The following CTNNA2 variants were observed in gnomAD, a reference collection of about 807,000 sequenced individuals.
CTNNA2 encodes catenin alpha-2.
Under a neutral mutation model 101.0 loss-of-function variants are expected in CTNNA2, and 42 were observed. That is an observed-to-expected ratio of 0.42 (90% CI 0.32 to 0.54). CTNNA2 has a LOEUF of 0.54. Among genes scored for constraint, CTNNA2 ranks in the 20% least tolerant of loss-of-function variants. The probability of loss-of-function intolerance (pLI) is 0.14; values close to 1 mark genes in which losing one functional copy is unlikely to be tolerated. For synonymous variants in CTNNA2, 450 were observed against 456.4 expected (o/e 0.99, Z 0.18); for missense variants, 871 against 1,223.1 (o/e 0.71, Z 4.29).
intron 3 of CTNNA2, among the ~76,000 whole-genome samples, chr2:79,780,083 AT>A (rs1674310857): frequency 6.6e-6 from 1 of 152,178 alleles, no homozygotes; most frequent in Non-Finnish European, 1.5e-5. Context: ...AGTCCTTTCT[AT>A]TGGTAATAAC....
chr2:79,919,102 C>T (rs72807322), intron 7 of CTNNA2, among the ~76,000 whole-genome samples: 10,955 of 152,110 alleles, frequency 0.072, 432 homozygotes, highest in Middle Eastern at 0.085. Context: ...CTCTTGGTAG[C>T]CTTCTATGCC....
At chr2:79,766,700 G>T (rs1372572347) in intron 3 of CTNNA2, among the ~76,000 whole-genome samples, 1 of 151,792 alleles carries the variant, frequency 6.6e-6, no homozygotes, top group Non-Finnish European at 1.5e-5. Context: ...AGATCTATAG[G>T]TATGTTTCAT....
rs145312177 is a variant in CTNNA2, at chr2:79,820,101, A to G, written c.299-37912A>G. Among the ~76,000 whole-genome samples, 344 of 152,288 alleles carry G rather than the reference A, an allele frequency of 2.3e-3. 1 individual carries two copies. The highest frequency in any genetic ancestry group is 7.8e-3 in the African/African-American group (326 of 41,566). On this transcript the variant is annotated intron_variant, in intron 3 of 18. Transcript: ENST00000402739. The stretch of plus-strand genomic sequence containing the variant: ...AATATATGTAATATGTGATTTTAAA[A>G]AATAAGCCATATGATGCCACATATC...
intron 7 of CTNNA2, among the ~76,000 whole-genome samples, chr2:79,965,309 A>G (rs2861913): frequency 0.28 from 43,317 of 152,120 alleles, 6,654 homozygotes; most frequent in Non-Finnish European, 0.34. Flanking sequence ...ATTTTAAAGC[A>G]CAGATCCCTT....
intron 1 of CTNNA2, among the ~76,000 whole-genome samples, chr2:79,576,591 T>C (rs1675815211): frequency 2.0e-5 from 3 of 152,116 alleles, no homozygotes; most frequent in African/African-American, 7.2e-5. Flanking sequence ...AGACTAGGTA[T>C]TAGTATGCCA....
chr2:80,263,894 G>T, intron 7 of CTNNA2, among the ~76,000 whole-genome samples: 1 of 152,168 alleles, frequency 6.6e-6, no homozygotes, highest in East Asian at 1.9e-4. Context: ...GTAACTTTAT[G>T]TGGAGACCTT....
chr2:79,540,201 G>A (rs1285845355), intron 1 of CTNNA2, among the ~76,000 whole-genome samples: 3 of 152,146 alleles, frequency 2.0e-5, no homozygotes, highest in African/African-American at 7.2e-5. Flanking sequence ...GTCATTCAAA[G>A]CAGTACCACT....
intron 9 of CTNNA2, among the ~76,000 whole-genome samples, chr2:80,479,461 C>T (rs1685980613): frequency 6.6e-6 from 1 of 152,042 alleles, no homozygotes. Context: ...GGTTGACAAA[C>T]CCTATGGGGA....
At chr2:79,190,456 C>T (rs986088006) in intron 1 of CTNNA2, among the ~76,000 whole-genome samples, 4 of 152,006 alleles carry the variant, frequency 2.6e-5, no homozygotes, top group Non-Finnish European at 4.4e-5. Context: ...TCATTCCTCT[C>T]TTCTATTAGT....
intron 18 of CTNNA2, among the ~76,000 whole-genome samples, chr2:80,631,338 G>A (rs1036027423): frequency 6.1e-5 from 9 of 147,692 alleles, no homozygotes. Context: ...TGAACTTGAG[G>A]CTTTCTTTCA....
At chr2:79,535,771 T>C (rs1228190817) in intron 1 of CTNNA2, among the ~76,000 whole-genome samples, 1 of 152,036 alleles carries the variant, frequency 6.6e-6, no homozygotes, top group Non-Finnish European at 1.5e-5. Context: ...TAGAAGGTAT[T>C]CCCAGAAAGA....
In CTNNA2 at chr2:80,351,855, A is replaced by C. The variant is rs112944025; in HGVS notation, c.1057-41356A>C. Reference sequence around the variant, plus strand: ...CTCACTTTAATGTCAGTATTAACTGAGCACTTACCATGTGCTAGTTACTTG... The same window carrying C: ...CTCACTTTAATGTCAGTATTAACTGCGCACTTACCATGTGCTAGTTACTTG... On this transcript the variant is annotated intron_variant, in intron 7 of 18. Transcript: ENST00000402739. Among the ~76,000 whole-genome samples the C allele has an allele frequency of 4.9e-4, 74 of 152,176 alleles. 1 individual carries two copies. Among genetic ancestry groups the C allele is most frequent in the African/African-American group, 1.7e-3 (70 of 41,530 alleles).
intron 1 of CTNNA2, among the ~76,000 whole-genome samples, chr2:79,626,682 G>A (rs1340414239): frequency 1.3e-5 from 2 of 151,464 alleles, no homozygotes; most frequent in Non-Finnish European, 2.9e-5. Flanking sequence ...TGGGAAAGGT[G>A]TGGGAAATGA....
chr2:79,840,915 G>A (rs990818869), intron 3 of CTNNA2, among the ~76,000 whole-genome samples: 24 of 152,152 alleles, frequency 1.6e-4, no homozygotes, highest in Middle Eastern at 3.4e-3. Context: ...GACTACAGGC[G>A]CCCGCCACGG....
At chr2:80,177,249 G>T (rs1387653350) in intron 7 of CTNNA2, among the ~76,000 whole-genome samples, 1 of 152,138 alleles carries the variant, frequency 6.6e-6, no homozygotes, top group Non-Finnish European at 1.5e-5. Flanking sequence ...GGTGGATAAG[G>T]CATTATGTGA....
At chr2:79,645,554 A>G (rs1382852196) in intron 1 of CTNNA2, among the ~76,000 whole-genome samples, 1 of 152,194 alleles carries the variant, frequency 6.6e-6, no homozygotes, top group Admixed American at 6.5e-5. Flanking sequence ...ATGCTGAAGA[A>G]ATTTAGAAAA....
chr2:80,635,499 A>T (rs1672777671), intron 18 of CTNNA2, among the ~76,000 whole-genome samples: 1 of 152,164 alleles, frequency 6.6e-6, no homozygotes, highest in Non-Finnish European at 1.5e-5. Flanking sequence ...AATGTAGTGA[A>T]TTATTTTATA....
chr2:80,085,797 A>G (rs1212111595), intron 7 of CTNNA2, among the ~76,000 whole-genome samples: 1 of 152,044 alleles, frequency 6.6e-6, no homozygotes, highest in East Asian at 1.9e-4. Context: ...GTTGTGCTCA[A>G]TATTTGTATT....
intron 9 of CTNNA2, among the ~76,000 whole-genome samples, chr2:80,504,722 A>G (rs1434076): frequency 0.54 from 82,182 of 151,972 alleles, 24,404 homozygotes; most frequent in East Asian, 0.95. Flanking sequence ...AGCTCCGGGG[A>G]TTGTGATGGA....
Sources: allele counts gnomAD v4.1 joint callset (sites outside exome capture counted in the v4.1 genomes callset), GRCh38; gene constraint gnomAD v4.1.1; transcripts MANE v1.5; gene names NCBI Gene and HGNC (gene_info 2026-07-23, HGNC 2026-07-21).